The following PIGL variants were observed in gnomAD, a reference collection of about 807,000 sequenced individuals.
PIGL encodes phosphatidylinositol glycan anchor biosynthesis class L.
In PIGL, 22 loss-of-function variants were observed where a neutral mutation model predicts 31.1. The observed-to-expected ratio is 0.71, with a 90% CI of 0.51 to 1.01. The LOEUF (loss-of-function observed/expected upper bound fraction) is 1.01, where lower values mean the gene tolerates loss of function less well. Among genes scored for constraint, PIGL ranks in the 50% least tolerant of loss-of-function variants. The pLI, the probability that PIGL is intolerant of heterozygous loss-of-function variation, is 0.00. For synonymous variants in PIGL, 131 were observed against 117.4 expected, an observed-to-expected ratio of 1.12 and a Z score of -0.75; for missense variants, 302 against 315.9, an observed-to-expected ratio of 0.96 and a Z score of 0.33.
intron 6 of PIGL, among the ~76,000 whole-genome samples, chr17:16,322,706 C>G (rs974736270): frequency 2.0e-5 from 3 of 152,084 alleles, no homozygotes; most frequent in Non-Finnish European, 2.9e-5. Flanking sequence ...AGTCAGTGCT[C>G]GAAGTGCTTT....
At chr17:16,232,471 T>G (rs544109338) in intron 1 of PIGL, among the ~76,000 whole-genome samples, 2 of 152,294 alleles carry the variant, frequency 1.3e-5, no homozygotes, top group Admixed American at 1.3e-4. Context: ...ACCAAACTTA[T>G]TGAAAATAGT....
chr17:16,270,766 G>A (rs1340962023), intron 2 of PIGL, among the ~76,000 whole-genome samples: 10 of 151,760 alleles, frequency 6.6e-5, no homozygotes, highest in African/African-American at 1.7e-4. Flanking sequence ...GTGTGGTGGC[G>A]GGCACCTGTA....
chr17:16,311,467 C>CTTTCTTTTT lies in PIGL; in HGVS notation c.427-2077_427-2076insCTTTTTTTT, dbSNP rs1555867139. ...AGCCCAAAGCACAGAGGTTTTCTTT[C>CTTTCTTTTT]TTTTTTTTTTTTTTGATCATTCTTG... On this transcript the variant is annotated intron_variant, in intron 3 of 6. Transcript: ENST00000225609. Among the ~76,000 whole-genome samples the CTTTCTTTTT allele has an allele frequency of 2.6e-4, 5 of 18,974 alleles. 1 individual carries two copies. The highest frequency in any genetic ancestry group is 5.0e-3 in the South Asian group (1 of 202). 12.4% of individuals were successfully genotyped at this position (18,974 alleles called of 152,430 possible).
intron 2 of PIGL, among the ~76,000 whole-genome samples, chr17:16,256,965 G>C (rs1369834804): frequency 1.3e-5 from 2 of 152,122 alleles, no homozygotes; most frequent in African/African-American, 4.8e-5. Flanking sequence ...TAGGATTGCA[G>C]GCGTGAGCCA....
chr17:16,318,292 C>A (rs1308242476), intron 6 of PIGL, among the ~76,000 whole-genome samples: 1 of 148,962 alleles, frequency 6.7e-6, no homozygotes. Flanking sequence ...TTTTTTGAGA[C>A]GGAGTTTTGC....
chr17:16,223,536 C>T (rs1160511925), intron 1 of PIGL, among the ~76,000 whole-genome samples: 1 of 151,952 alleles, frequency 6.6e-6, no homozygotes, highest in Non-Finnish European at 1.5e-5. Context: ...AAGATCGCTC[C>T]ACTGCACTTC....
intron 6 of PIGL, among the ~76,000 whole-genome samples, chr17:16,318,523 G>A (rs558721090): frequency 8.6e-5 from 13 of 151,504 alleles, no homozygotes; most frequent in African/African-American, 2.4e-4. Flanking sequence ...CACCCACCTC[G>A]ACCTCCCAAA....
At chr17:16,313,694 T>C in intron 4 of PIGL, 80 bp downstream of exon 4, 1 of 1,144,144 alleles carries the variant, frequency 8.7e-7, no homozygotes, top group Non-Finnish European at 1.3e-6. Flanking sequence ...TAAAGCACTT[T>C]CCCACTTGTT....
intron 2 of PIGL, among the ~76,000 whole-genome samples, chr17:16,269,669 A>G (rs2092861922): frequency 6.9e-6 from 1 of 145,924 alleles, no homozygotes; most frequent in South Asian, 2.2e-4. Context: ...AAAAAAAATT[A>G]GAATTACCTG....
rs531108561 is a variant in PIGL at position 16,280,700 on chromosome 17, T to TTTTTG, written c.336-19169_336-19165dup. ...AGGCATTAGGGTTCACTCAGTGTTTTTTTTGTTTTGTTTTGTTTTGTTTGA... is the reference window on the plus strand; with the variant it reads ...AGGCATTAGGGTTCACTCAGTGTTTTTTTTGTTTTGTTTTGTTTTGTTTTGTTTGA... On this transcript the variant is annotated intron_variant, in intron 2 of 6. Coordinates refer to ENST00000225609, the MANE Select transcript of PIGL (RefSeq NM_004278.4). Among the ~76,000 whole-genome samples the TTTTTG allele has an allele frequency of 4.7e-3, 713 of 152,186 alleles. 2 individuals are homozygous for TTTTTG. The highest frequency in any genetic ancestry group is 0.015 in the African/African-American group (614 of 41,510).
chr17:16,280,203 C>A (rs2092910821), intron 2 of PIGL, among the ~76,000 whole-genome samples: 1 of 152,180 alleles, frequency 6.6e-6, no homozygotes, highest in East Asian at 1.9e-4. Context: ...CTTATCTGCT[C>A]CTGGGGGCAG....
intron 2 of PIGL, among the ~76,000 whole-genome samples, chr17:16,244,702 TCTCA>T (rs1322256894): frequency 6.6e-6 from 1 of 152,088 alleles, no homozygotes; most frequent in African/African-American, 2.4e-5. Context: ...TGAGACAGGG[TCTCA>T]CTCTGTCACC....
chr17:16,300,672 T>G (rs1021449641), intron 3 of PIGL, among the ~76,000 whole-genome samples: 3 of 150,136 alleles, frequency 2.0e-5, no homozygotes, highest in African/African-American at 7.4e-5. Flanking sequence ...AGAGTGAGAC[T>G]CTGTCTCAGA....
At position 16,229,481 on chromosome 17, in the gene PIGL, CT is replaced by C. The variant is rs71353784; in HGVS notation, c.236-4470del. Reference sequence around the variant, plus strand: ...AGTATTTATTTGAGTACCGGTTTTCCTTTTTTTTTTTTTTTTTTTTGAGTAT... The same window carrying C: ...AGTATTTATTTGAGTACCGGTTTTCCTTTTTTTTTTTTTTTTTTTGAGTAT... On this transcript the variant is annotated intron_variant, in intron 1 of 6. Coordinates refer to ENST00000225609, the MANE Select transcript of PIGL (RefSeq NM_004278.4). Among the ~76,000 whole-genome samples, 1,046 of 114,156 alleles carry C rather than the reference CT, an allele frequency of 9.2e-3. 6 individuals carry two copies. The highest frequency in any genetic ancestry group is 0.017 in the South Asian group (62 of 3,608). 74.9% of individuals were successfully genotyped at this position (114,156 alleles called of 152,430 possible). A position where few individuals can be genotyped will look rare whatever the true frequency, so the allele number is the denominator to read the frequency against.
chr17:16,311,259 CTTATTA>C (rs139292207), intron 3 of PIGL, among the ~76,000 whole-genome samples: 16 of 149,058 alleles, frequency 1.1e-4, no homozygotes, highest in African/African-American at 3.7e-4. Flanking sequence ...TTGAGTTAGC[CTTATTA>C]TTATTATTAT....
chr17:16,245,807 T>C (rs868525590), intron 2 of PIGL, among the ~76,000 whole-genome samples: 67 of 99,296 alleles, frequency 6.7e-4, no homozygotes, highest in African/African-American at 2.4e-3. Flanking sequence ...CACACACACA[T>C]ATATATATAT....
intron 1 of PIGL, 39 bp from the exon 2 acceptor site, chr17:16,233,932 A>G: frequency 9.0e-7 from 1 of 1,107,284 alleles, no homozygotes; most frequent in South Asian, 1.4e-5. Context: ...TCCACTGTTA[A>G]AAAAAAAAAA....
At chr17:16,244,706 A>T (rs2092736974) in intron 2 of PIGL, among the ~76,000 whole-genome samples, 1 of 151,986 alleles carries the variant, frequency 6.6e-6, no homozygotes, top group Non-Finnish European at 1.5e-5. Flanking sequence ...ACAGGGTCTC[A>T]CTCTGTCACC....
intron 4 of PIGL, among the ~76,000 whole-genome samples, chr17:16,316,184 G>A (rs988975301): frequency 6.6e-6 from 1 of 152,162 alleles, no homozygotes; most frequent in African/African-American, 2.4e-5. Context: ...ACAAAGTGGG[G>A]AAGAGACTTG....
Sources: gnomAD v4.1 joint callset for allele counts (sites outside exome capture counted in the v4.1 genomes callset) on GRCh38, gnomAD v4.1.1 for gene constraint, MANE v1.5 for transcripts, NCBI Gene and HGNC (gene_info 2026-07-23, HGNC 2026-07-21) for gene names.